RBFOX1: variants seen among roughly 807,000 people sequenced by gnomAD.
RBFOX1 encodes the protein RNA binding protein fox-1 homolog 1.
Under a neutral mutation model 57.7 loss-of-function variants are expected in RBFOX1, and 8 were observed. That is an observed-to-expected ratio of 0.14 (90% CI 0.08 to 0.25). The LOEUF (loss-of-function observed/expected upper bound fraction) is 0.25. RBFOX1 is among the 10% of genes least tolerant of loss of function. The pLI, the probability that RBFOX1 is intolerant of heterozygous loss-of-function variation, is 1.00. For synonymous variants in RBFOX1, 326 were observed against 222.4 expected (o/e 1.47, Z -4.15); for missense variants, 611 against 548.5 (o/e 1.11, Z -1.14).
At chr16:5,971,301 A>C (rs374226585) in intron 4 of RBFOX1, among the ~76,000 whole-genome samples, 2 of 152,224 alleles carry the variant, frequency 1.3e-5, no homozygotes, top group Non-Finnish European at 2.9e-5. Context: ...TTGTCATGTG[A>C]CAGGAAATGA....
chr16:5,897,834 C>CTTT (rs59833852), intron 4 of RBFOX1, among the ~76,000 whole-genome samples: 131 of 140,608 alleles, frequency 9.3e-4, no homozygotes, highest in Non-Finnish European at 1.5e-3. Flanking sequence ...TTTAACTTCT[C>CTTT]TTTTTTTTTT....
chr16:6,244,566 C>T (rs1055840597), intron 1 of RBFOX1, among the ~76,000 whole-genome samples: 2 of 152,102 alleles, frequency 1.3e-5, no homozygotes, highest in African/African-American at 4.8e-5. Flanking sequence ...TGCAGTGGTG[C>T]GATCTCAGCT....
chr16:6,961,165 A>ACACACACAC (rs1461621694), intron 3 of RBFOX1, among the ~76,000 whole-genome samples: 3 of 150,570 alleles, frequency 2.0e-5, no homozygotes, highest in Admixed American at 6.6e-5. Flanking sequence ...ACACACACGC[A>ACACACACAC]AAAGAAAGAA....
intron 2 of RBFOX1, among the ~76,000 whole-genome samples, chr16:5,500,304 C>A (rs1466099599): frequency 6.6e-6 from 1 of 151,694 alleles, no homozygotes; most frequent in South Asian, 2.1e-4. Context: ...CTCACTGCAG[C>A]CTCAACCTGC....
chr16:5,621,923 C>T (rs1382315728), intron 3 of RBFOX1, among the ~76,000 whole-genome samples: 2 of 152,296 alleles, frequency 1.3e-5, no homozygotes, highest in Non-Finnish European at 2.9e-5. Flanking sequence ...GTGCTCCAAG[C>T]AGCTGCCAAA....
chr16:7,244,936 G>T (rs1298302967), intron 4 of RBFOX1, among the ~76,000 whole-genome samples: 1 of 152,182 alleles, frequency 6.6e-6, no homozygotes, highest in African/African-American at 2.4e-5. Flanking sequence ...CATGTCAGAG[G>T]CACAGTAGGG....
chr16:6,713,728 C>G (rs2064183058), intron 3 of RBFOX1, among the ~76,000 whole-genome samples: 1 of 152,306 alleles, frequency 6.6e-6, no homozygotes, highest in East Asian at 1.9e-4. Context: ...CTCTCTCTTT[C>G]CACATCTACC....
chr16:5,721,604 T>G (rs1311078829), intron 3 of RBFOX1, among the ~76,000 whole-genome samples: 1 of 152,204 alleles, frequency 6.6e-6, no homozygotes, highest in Non-Finnish European at 1.5e-5. Context: ...TGGGAGTGTT[T>G]TCATAGATTC....
intron 3 of RBFOX1, among the ~76,000 whole-genome samples, chr16:6,749,716 G>A (rs2074532890): frequency 6.6e-6 from 1 of 152,128 alleles, no homozygotes; most frequent in Admixed American, 6.6e-5. Context: ...GAATTGCAGT[G>A]CACAGATTCT....
chr16:6,670,769 G>C (rs2098759135), intron 3 of RBFOX1, among the ~76,000 whole-genome samples: 1 of 152,076 alleles, frequency 6.6e-6, no homozygotes, highest in Non-Finnish European at 1.5e-5. Flanking sequence ...AGGCCGAGCT[G>C]GGTGGATCAC....
At chr16:6,815,739 C>A (rs1013927044) in intron 3 of RBFOX1, among the ~76,000 whole-genome samples, 2 of 152,090 alleles carry the variant, frequency 1.3e-5, no homozygotes, top group Admixed American at 6.5e-5. Context: ...TCTCTGGTCC[C>A]CAGCAAAAAG....
At chr16:6,216,497 C>G (rs1052139635) in intron 1 of RBFOX1, among the ~76,000 whole-genome samples, 4 of 152,152 alleles carry the variant, frequency 2.6e-5, no homozygotes, top group African/African-American at 4.8e-5. Flanking sequence ...GAGAGTGACC[C>G]TCTGTATTTG....
At chr16:7,709,171 T>TCCC (rs752080903) in intron 15 of RBFOX1, 40 bp downstream of exon 15, 13 of 1,542,752 alleles carry the variant, frequency 8.4e-6, no homozygotes, top group Admixed American at 3.4e-5. Context: ...TCCTCCTGCC[T>TCCC]CCCTTCCCTT....
intron 4 of RBFOX1, among the ~76,000 whole-genome samples, chr16:7,348,273 T>A (rs1353963107): frequency 1.3e-5 from 2 of 152,238 alleles, no homozygotes; most frequent in African/African-American, 4.8e-5. Flanking sequence ...CTGGATTTCT[T>A]TGTGGTACAT....
chr16:6,124,407 G>A (rs2096573789), intron 1 of RBFOX1, among the ~76,000 whole-genome samples: 1 of 152,114 alleles, frequency 6.6e-6, no homozygotes, highest in Non-Finnish European at 1.5e-5. Flanking sequence ...TTATTGTAAT[G>A]TAAATGAGCC....
intron 3 of RBFOX1, among the ~76,000 whole-genome samples, chr16:5,694,314 T>C (rs1715120418): frequency 6.6e-6 from 1 of 152,238 alleles, no homozygotes; most frequent in Non-Finnish European, 1.5e-5. Flanking sequence ...ATCACTGTTT[T>C]ACCTTGTCAT....
At chr16:6,861,264 A>G (rs918215858) in intron 3 of RBFOX1, among the ~76,000 whole-genome samples, 1 of 152,140 alleles carries the variant, frequency 6.6e-6, no homozygotes, top group African/African-American at 2.4e-5. Flanking sequence ...CACTCTAACC[A>G]TAGTCTTTGC....
intron 1 of RBFOX1, among the ~76,000 whole-genome samples, chr16:5,417,166 G>T (rs1293230172): frequency 6.6e-6 from 1 of 152,176 alleles, no homozygotes; most frequent in Non-Finnish European, 1.5e-5. Context: ...AGCCTTTTGT[G>T]AACTGTTAAT....
chr16:5,906,628 G>T (rs1171953531), intron 4 of RBFOX1, among the ~76,000 whole-genome samples: 1 of 151,978 alleles, frequency 6.6e-6, no homozygotes, highest in Non-Finnish European at 1.5e-5. Flanking sequence ...CCTGGACTGG[G>T]AGTCGGGACA....
Sources: allele counts gnomAD v4.1 joint callset (sites outside exome capture counted in the v4.1 genomes callset), GRCh38; gene constraint gnomAD v4.1.1; transcripts MANE v1.5; gene names NCBI Gene and HGNC (gene_info 2026-07-23, HGNC 2026-07-21).